PIWIL3: variants seen among roughly 807,000 people sequenced by gnomAD.
PIWIL3 encodes piwi like RNA-mediated gene silencing 3.
Under a neutral mutation model 109.7 loss-of-function variants are expected in PIWIL3, and 101 were observed. The observed-to-expected ratio is 0.92, with a 90% CI of 0.78 to 1.09. The LOEUF (loss-of-function observed/expected upper bound fraction) is 1.09, where lower values mean the gene tolerates loss of function less well. PIWIL3 is among the 50% of genes least tolerant of loss of function. The pLI, the probability that PIWIL3 is intolerant of heterozygous loss-of-function variation, is 0.00. For synonymous variants in PIWIL3, 373 were observed against 376.4 expected, an observed-to-expected ratio of 0.99 and a Z score of 0.10; for missense variants, 1,031 against 1,072.6, an observed-to-expected ratio of 0.96 and a Z score of 0.54.
At position 24,719,597 on chromosome 22, in the gene PIWIL3, G is replaced by T. The variant is rs759326590; in HGVS notation, c.2506-9C>A. 2 of 1,572,122 alleles carry T rather than the reference G, an allele frequency of 1.3e-6. No individual in the cohort carries two copies. The highest frequency in any genetic ancestry group is 4.5e-5 in the East Asian group (2 of 44,520). The stretch of plus-strand genomic sequence containing the variant: ...GGAACTCGGATGATGCCCTTTAGTA[G>T]GAAAAGAAAATACACAACTAAATTT... On this transcript the variant is annotated splice_polypyrimidine_tract_variant and intron_variant, in intron 20 of 20. Coordinates refer to ENST00000616349, the MANE Select transcript of PIWIL3 (RefSeq NM_001255975.1).
Position 24,731,832 on chromosome 22 carries a change from G to C in PIWIL3, c.1707+2252C>G, listed in dbSNP as rs140939013. 2.9e-3 allele frequency among the ~76,000 whole-genome samples: 435 copies of C among 152,104 alleles called. 4 individuals are homozygous for C. The highest frequency in any genetic ancestry group is 9.8e-3 in the African/African-American group (407 of 41,478). On this transcript the variant is annotated intron_variant, in intron 14 of 20. Transcript: ENST00000616349. ...GAAATAAAAACTCTCTTCCACCCCAGTCTGCATCTCATTATTGGACAGTGA... is the reference window on the plus strand; with the variant it reads ...GAAATAAAAACTCTCTTCCACCCCACTCTGCATCTCATTATTGGACAGTGA...
chr22:24,761,035 T>C (rs1184717099), intron 2 of PIWIL3, among the ~76,000 whole-genome samples: 1 of 152,094 alleles, frequency 6.6e-6, no homozygotes, highest in Non-Finnish European at 1.5e-5. Context: ...CACAGACTTT[T>C]GGCCTGAGCA....
At position 24,748,952 on chromosome 22, in the gene PIWIL3, C is replaced by A. The variant is rs754382230; in HGVS notation, c.1404G>T (p.Pro468=). Residue 468 remains proline, a synonymous_variant, in exon 12 of 21, where the codon CCG becomes CCT. Transcript: ENST00000616349. ...TGTTTGCGTTTTTCAAAACTCTTCC[C>A]GGGACGGACAAAAAATTGGTATCAA... ...LKFDTNFLSV[P]GRVLKNANIV... 1 of 1,613,540 alleles carries A rather than the reference C, an allele frequency of 6.2e-7. No homozygotes were observed. Among genetic ancestry groups the A allele is most frequent in the Non-Finnish European group, 8.5e-7 (1 of 1,179,854 alleles).
At position 24,719,491 on chromosome 22, in the gene PIWIL3, G is replaced by A. The variant is rs376385399; in HGVS notation, c.2603C>T (p.Thr868Ile). The stretch of plus-strand genomic sequence containing the variant: ...TGCAGGTCAAAGGTAAAAGAGACGA[G>A]TTGACAAGGAACGATTCGGTTCCTG... ...IHQEPNRSLS[T>I]RLFYL The change falls in exon 21 of 21, where the codon ACT (threonine) becomes ATT (isoleucine). Residue 868 changes from threonine (T) to isoleucine (I), a missense_variant. By Grantham distance (89) the Thr-to-Ile change is moderately conservative (BLOSUM62 -1). Coordinates refer to ENST00000616349, the MANE Select transcript of PIWIL3 (RefSeq NM_001255975.1). The A allele has an allele frequency of 1.3e-6, 2 of 1,591,152 alleles. No homozygotes were observed. Among genetic ancestry groups the A allele is most frequent in the South Asian group, 2.3e-5 (2 of 86,572 alleles).
chr22:24,753,874 G>A, intron 8 of PIWIL3, 140 bp downstream of exon 8: 1 of 681,508 alleles, frequency 1.5e-6, no homozygotes, highest in Non-Finnish European at 2.5e-6. Context: ...TATAACCAGA[G>A]GAGAGACGTG....
chr22:24,758,131 GA>G, intron 3 of PIWIL3, 92 bp from the exon 4 acceptor site: 1 of 1,388,418 alleles, frequency 7.2e-7, no homozygotes, highest in Non-Finnish European at 9.8e-7. Flanking sequence ...GTTAGAGGTA[GA>G]AAAGATGCCA....
At chr22:24,771,326 A>T (rs1450812731) in intron 1 of PIWIL3, among the ~76,000 whole-genome samples, 1 of 151,610 alleles carries the variant, frequency 6.6e-6, no homozygotes, top group African/African-American at 2.4e-5. Flanking sequence ...AAAAGAAAAA[A>T]AGTTAGCCAG....
At chr22:24,747,002 A>G (rs528491426) in intron 12 of PIWIL3, among the ~76,000 whole-genome samples, 5 of 152,284 alleles carry the variant, frequency 3.3e-5, no homozygotes, top group African/African-American at 1.2e-4. Flanking sequence ...TTTAAAACCA[A>G]AAGACCCAGA....
At chr22:24,729,206 T>A (rs1232791546) in intron 14 of PIWIL3, among the ~76,000 whole-genome samples, 2 of 152,114 alleles carry the variant, frequency 1.3e-5, no homozygotes, top group Non-Finnish European at 2.9e-5. Flanking sequence ...GAAAAGCTTT[T>A]GTGTTTAACT....
In PIWIL3 at chr22:24,723,214, G is replaced by A; in HGVS notation, c.2273C>T (p.Thr758Ile). Residue 758 changes from threonine (T) to isoleucine (I), a missense_variant, in exon 19 of 21, where the codon ACT (threonine) becomes ATT (isoleucine). By Grantham distance (89) the Thr-to-Ile change is moderately conservative. Coordinates refer to ENST00000616349, the MANE Select transcript of PIWIL3 (RefSeq NM_001255975.1). ...GCTTCCATGTTTAAGAAAAAATCTA[G>A]TGTTTATTCGTTTCTTCACCACAAT... Reference protein sequence around the residue: ...AFIVVKKRINTRFFLKHGSNF... With the variant: ...AFIVVKKRINIRFFLKHGSNF... 1.2e-6 allele frequency: 2 copies of A among 1,610,292 alleles called. No individual in the cohort carries two copies. The highest frequency in any genetic ancestry group is 2.2e-5 in the South Asian group (2 of 90,984).
At chr22:24,749,549 G>A in intron 10 of PIWIL3, 28 bp from the exon 11 acceptor site, 1 of 1,612,016 alleles carries the variant, frequency 6.2e-7, no homozygotes, top group Non-Finnish European at 8.5e-7. Flanking sequence ...AGATACAGCT[G>A]AACAAGCATG....
At chr22:24,773,531 A>G (rs1926247437) in intron 1 of PIWIL3, among the ~76,000 whole-genome samples, 1 of 152,158 alleles carries the variant, frequency 6.6e-6, no homozygotes, top group Non-Finnish European at 1.5e-5. Flanking sequence ...CCACAGGAGC[A>G]AAGAGCCCGC....
intron 19 of PIWIL3, 63 bp from the exon 20 acceptor site, chr22:24,719,958 T>C: frequency 1.5e-6 from 2 of 1,343,724 alleles, no homozygotes; most frequent in South Asian, 1.6e-5. Context: ...GTAAACTTAA[T>C]GTCTGAAATG....
Position 24,749,768 on chromosome 22 carries a change from C to A in PIWIL3, c.1141G>T (p.Gly381Cys). The A allele has an allele frequency of 6.2e-7, 1 of 1,613,806 alleles. No homozygotes were observed. Among genetic ancestry groups the A allele is most frequent in the Non-Finnish European group, 8.5e-7 (1 of 1,179,942 alleles). The change falls in exon 10 of 21, where the codon GGC (glycine) becomes TGC (cysteine). Residue 381 changes from glycine to cysteine, a missense_variant. Physicochemically the swap from Gly to Cys is radical, Grantham distance 159 (BLOSUM62 -3). Coordinates refer to ENST00000616349, the MANE Select transcript of PIWIL3 (RefSeq NM_001255975.1). ...CCCGTTAGGCCCTTTTTCCATCTGC[C>A]CTGGCTGACCAAAAGTGGCTGTTTC... Reference protein sequence around the residue: ...VKKQPLLVSQGRWKKGLTGTQ... With the variant: ...VKKQPLLVSQCRWKKGLTGTQ...
chr22:24,754,991 T>C, intron 6 of PIWIL3, 127 bp from the exon 7 acceptor site: 1 of 705,850 alleles, frequency 1.4e-6, no homozygotes, highest in Admixed American at 2.5e-5. Context: ...AAGTACTTGT[T>C]AACTAAGTTA....
chr22:24,756,614 G>C lies in PIWIL3; in HGVS notation c.447C>G (p.Tyr149Ter), dbSNP rs780485693. ...QWVAYKYNVD[Y>*]KPDIEDGNLR... Reference sequence around the variant, plus strand: ...GATTTCCATCTTCTATGTCTGGTTTGTAGTCAACGTTGTATTTATATGCAA... The same window carrying C: ...GATTTCCATCTTCTATGTCTGGTTTCTAGTCAACGTTGTATTTATATGCAA... Residue 149 changes from tyrosine to a stop codon, truncating the protein, a stop_gained, in exon 5 of 21, where the codon TAC becomes TAG. Transcript: ENST00000616349. LOFTEE classifies it high-confidence loss of function. 1.9e-6 allele frequency: 3 copies of C among 1,613,944 alleles called. No homozygotes were observed. Among genetic ancestry groups the C allele is most frequent in the Non-Finnish European group, 2.5e-6 (3 of 1,179,856 alleles).
At chr22:24,733,201 G>T (rs1923458686) in intron 14 of PIWIL3, among the ~76,000 whole-genome samples, 2 of 152,156 alleles carry the variant, frequency 1.3e-5, no homozygotes, top group Admixed American at 1.3e-4. Flanking sequence ...AAACATTCTG[G>T]TTTCATGGTC....
Position 24,757,615 on chromosome 22 carries a change from T to TACACACACACACAC in PIWIL3, c.355+279_355+292dup, listed in dbSNP as rs139481317. 1.1e-3 allele frequency among the ~76,000 whole-genome samples: 91 copies of TACACACACACACAC among 79,262 alleles called. 2 individuals are homozygous for TACACACACACACAC. The highest frequency in any genetic ancestry group is 4.1e-3 in the African/African-American group (85 of 20,900). The allele number at this position is 79,262 out of a possible 152,430, so 52.0% of individuals were successfully genotyped here. A position where few individuals can be genotyped will look rare whatever the true frequency, so the allele number is the denominator to read the frequency against. On this transcript the variant is annotated intron_variant, in intron 4 of 20. Transcript: ENST00000616349. ...AGACCGTGTCTCTACAAAATTTACA[T>TACACACACACACAC]ACACACACACACACACACACACATA...
chr22:24,754,735 A>T (rs767610824), intron 7 of PIWIL3, 49 bp downstream of exon 7: 5 of 1,433,134 alleles, frequency 3.5e-6, no homozygotes, highest in Non-Finnish European at 4.9e-6. Flanking sequence ...TTCTCAAAAA[A>T]TCCTACGTTT....
Sources: allele counts gnomAD v4.1 joint callset (sites outside exome capture counted in the v4.1 genomes callset), GRCh38; gene constraint gnomAD v4.1.1; transcripts MANE v1.5; gene names NCBI Gene and HGNC (gene_info 2026-07-23, HGNC 2026-07-21).